The following KANSL1L variants were observed in gnomAD, a reference collection of about 807,000 sequenced individuals.
KANSL1L encodes the protein KAT8 regulatory NSL complex subunit 1-like protein.
Under a neutral mutation model 108.6 loss-of-function variants are expected in KANSL1L, and 25 were observed. The observed-to-expected ratio is 0.23, with a 90% CI of 0.17 to 0.32. The LOEUF is 0.32. Among genes scored for constraint, KANSL1L ranks in the 10% least tolerant of loss-of-function variants. KANSL1L has a pLI of 1.00. For synonymous variants in KANSL1L, 405 were observed against 395.1 expected (o/e 1.03, Z -0.30); for missense variants, 1,137 against 1,125.7 (o/e 1.01, Z -0.14).
intron 3 of KANSL1L, among the ~76,000 whole-genome samples, chr2:210,124,628 A>G (rs1015726705): frequency 3.3e-5 from 5 of 152,060 alleles, no homozygotes; most frequent in Non-Finnish European, 5.9e-5. Context: ...AAAAGCTAGC[A>G]GAAGAAAGGA....
intron 6 of KANSL1L, 56 bp downstream of exon 6, chr2:210,075,496 T>A (rs967002487): frequency 1.5e-5 from 17 of 1,145,308 alleles, no homozygotes; most frequent in Middle Eastern, 1.9e-4. Flanking sequence ...TTCTCATGCA[T>A]GAAATATGCT....
At chr2:210,146,717 C>A (rs2095268540) in intron 2 of KANSL1L, among the ~76,000 whole-genome samples, 1 of 152,268 alleles carries the variant, frequency 6.6e-6, no homozygotes, top group Admixed American at 6.5e-5. Flanking sequence ...CAGTTATTTA[C>A]TTGATCATCC....
chr2:210,060,645 A>G (rs1260033643), intron 6 of KANSL1L, among the ~76,000 whole-genome samples: 1 of 152,216 alleles, frequency 6.6e-6, no homozygotes, highest in Non-Finnish European at 1.5e-5. Context: ...TCATTGGTAA[A>G]CAGCTTACCA....
chr2:210,078,280 T>C (rs2094556406), intron 5 of KANSL1L, among the ~76,000 whole-genome samples: 1 of 152,224 alleles, frequency 6.6e-6, no homozygotes, highest in Non-Finnish European at 1.5e-5. Flanking sequence ...ACCACTGTTG[T>C]ATATGTGGTC....
chr2:210,148,346 G>T (rs538340035), intron 2 of KANSL1L, among the ~76,000 whole-genome samples: 3 of 152,270 alleles, frequency 2.0e-5, no homozygotes, highest in Non-Finnish European at 4.4e-5. Flanking sequence ...GAAAAGAAAT[G>T]CTAGAATTCT....
In KANSL1L at chr2:210,075,752, A is replaced by C. The variant is rs1328918756; in HGVS notation, c.1555T>G (p.Ser519Ala). 1 of 1,610,288 alleles carries C rather than the reference A, an allele frequency of 6.2e-7. No individual in the cohort carries two copies. The highest frequency in any genetic ancestry group is 2.2e-5 in the East Asian group (1 of 44,862). Reference protein sequence around the residue: ...CLANGIYRSASENLDELSSSS... With the variant: ...CLANGIYRSAAENLDELSSSS... ...GAAGACAGCTCATCTAAATTCTCTG[A>C]TGCACTGAAATGCCATGAAATAATT... The change falls in exon 6 of 15, where the codon TCA (serine) becomes GCA (alanine). Residue 519 changes from serine (S) to alanine (A), a missense_variant. This residue lies in a region of KANSL1L where 575 missense variants were observed against 567.1 expected (regional missense o/e 1.01). Coordinates refer to ENST00000281772, the MANE Select transcript of KANSL1L (RefSeq NM_152519.4).
chr2:210,167,357 T>C (rs1401726874), intron 1 of KANSL1L, among the ~76,000 whole-genome samples: 1 of 151,992 alleles, frequency 6.6e-6, no homozygotes, highest in Non-Finnish European at 1.5e-5. Flanking sequence ...AAAAAGGAAT[T>C]CTCTTTGAAG....
At chr2:210,066,139 A>G (rs1336540059) in intron 6 of KANSL1L, among the ~76,000 whole-genome samples, 1 of 152,136 alleles carries the variant, frequency 6.6e-6, no homozygotes, top group Non-Finnish European at 1.5e-5. Flanking sequence ...TAAACAGAAA[A>G]ACACTGTGCT....
At chr2:210,128,507 G>C (rs886276965) in intron 3 of KANSL1L, among the ~76,000 whole-genome samples, 6 of 152,112 alleles carry the variant, frequency 3.9e-5, no homozygotes, top group African/African-American at 1.4e-4. Flanking sequence ...GCCACAAAAA[G>C]ACAAAAACTT....
chr2:210,080,779 T>C (rs1300720724), intron 5 of KANSL1L, among the ~76,000 whole-genome samples: 1 of 152,066 alleles, frequency 6.6e-6, no homozygotes, highest in Non-Finnish European at 1.5e-5. Flanking sequence ...GCCCCTTTTG[T>C]GGTCTTAGAC....
chr2:210,036,267 A>C (rs1036212718), intron 8 of KANSL1L, among the ~76,000 whole-genome samples: 1 of 152,054 alleles, frequency 6.6e-6, no homozygotes, highest in Admixed American at 6.6e-5. Flanking sequence ...TTGCAGCCTC[A>C]AGCTCCTGGG....
chr2:210,046,484 T>C (rs531610095), intron 6 of KANSL1L, among the ~76,000 whole-genome samples: 42 of 152,092 alleles, frequency 2.8e-4, no homozygotes, highest in Non-Finnish European at 5.3e-4. Flanking sequence ...GGGAGAGGCA[T>C]AGGATAGATA....
chr2:210,159,711 TG>T (rs1422223030), intron 1 of KANSL1L, among the ~76,000 whole-genome samples: 2 of 152,234 alleles, frequency 1.3e-5, no homozygotes, highest in Non-Finnish European at 2.9e-5. Context: ...AAGGATACTA[TG>T]TTCAAGTATG....
At chr2:210,171,885 C>T (rs1462071480), upstream of KANSL1L, 1 of 151,972 alleles carries the variant, frequency 6.6e-6, no homozygotes, top group African/African-American at 2.4e-5. Flanking sequence ...CGTGCGTTTG[C>T]TTTTATTTGG....
intron 3 of KANSL1L, among the ~76,000 whole-genome samples, chr2:210,122,693 C>T (rs2095032343): frequency 6.6e-6 from 1 of 151,970 alleles, no homozygotes; most frequent in Non-Finnish European, 1.5e-5. Context: ...AACACGTTAA[C>T]ACATCATGTT....
intron 6 of KANSL1L, among the ~76,000 whole-genome samples, chr2:210,058,116 C>T (rs1422381234): frequency 6.6e-6 from 1 of 152,294 alleles, no homozygotes; most frequent in Non-Finnish European, 1.5e-5. Context: ...GGAGAAATAT[C>T]GCTGAATTCT....
intron 3 of KANSL1L, among the ~76,000 whole-genome samples, chr2:210,112,730 C>A (rs1414294921): frequency 1.3e-5 from 2 of 152,056 alleles, no homozygotes; most frequent in Non-Finnish European, 2.9e-5. Flanking sequence ...GCATATCCAT[C>A]ACCACAAATA....
intron 9 of KANSL1L, chr2:210,031,127 G>T (rs564949881): frequency 7.3e-5 from 18 of 247,708 alleles, no homozygotes; most frequent in Middle Eastern, 1.4e-3. Flanking sequence ...AGCCTATTTT[G>T]AGCATAGAAC....
Position 210,102,261 on chromosome 2 carries a change from C to T in KANSL1L, c.1428+1843G>A, listed in dbSNP as rs181221468. ...TTGGCTTAGGACTGTCTTGGCAATG[C>T]GGGCTCTTTTGTGGTAACTGGATCC... On this transcript the variant is annotated intron_variant, in intron 4 of 14. Coordinates refer to ENST00000281772, the MANE Select transcript of KANSL1L (RefSeq NM_152519.4). Among the ~76,000 whole-genome samples, 47 of 152,206 alleles carry T rather than the reference C, an allele frequency of 3.1e-4. No homozygotes were observed. In the East Asian group the frequency reaches 7.7e-3, roughly 25 times the overall value.
Sources: gnomAD v4.1 joint callset for allele counts (sites outside exome capture counted in the v4.1 genomes callset) on GRCh38, gnomAD v4.1.1 for gene constraint, gnomAD v4.1.1 regional missense constraint, MANE v1.5 for transcripts, NCBI Gene and HGNC (gene_info 2026-07-23, HGNC 2026-07-21) for gene names.